Variants in CHODL observed in about 807,000 individuals in gnomAD.
CHODL encodes chondrolectin.
Under a neutral mutation model 34.5 loss-of-function variants are expected in CHODL, and 29 were observed. The observed-to-expected ratio is 0.84, with a 90% confidence interval of 0.63 to 1.15. CHODL has a LOEUF of 1.15. Ranked by LOEUF, CHODL falls within the 50% of genes most tolerant of loss-of-function variation. The probability of loss-of-function intolerance (pLI) is 0.00; values close to 1 mark genes in which losing one functional copy is unlikely to be tolerated. For synonymous variants in CHODL, 125 were observed against 116.1 expected (o/e 1.08, Z -0.49); for missense variants, 332 against 332.5 (o/e 1.00, Z 0.01).
intron 2 of CHODL, among the ~76,000 whole-genome samples, chr21:18,135,957 A>T (rs1450614418): frequency 6.6e-6 from 1 of 151,864 alleles, no homozygotes; most frequent in African/African-American, 2.4e-5. Flanking sequence ...AAACACAAAA[A>T]TTACCTGGGC....
At chr21:17,940,463 C>T (rs1251447134) in intron 1 of CHODL, among the ~76,000 whole-genome samples, 2 of 152,032 alleles carry the variant, frequency 1.3e-5, no homozygotes, top group Non-Finnish European at 2.9e-5. Flanking sequence ...TTCAATTTAC[C>T]ATGAAGTCTG....
chr21:18,249,757 G>A (rs1388076080), intron 1 of CHODL, among the ~76,000 whole-genome samples: 4 of 152,148 alleles, frequency 2.6e-5, no homozygotes, highest in African/African-American at 4.8e-5. Context: ...TGTGAGCTGT[G>A]TGAACTGCCC....
intron 2 of CHODL, among the ~76,000 whole-genome samples, chr21:18,035,846 A>C (rs73891124): frequency 0.039 from 5,857 of 151,932 alleles, 291 homozygotes; most frequent in East Asian, 0.16. Flanking sequence ...TATTTTCTTG[A>C]ATATATGAAT....
chr21:18,251,466 AT>A (rs2074238718), intron 1 of CHODL, among the ~76,000 whole-genome samples: 1 of 92,406 alleles, frequency 1.1e-5, no homozygotes, highest in African/African-American at 5.7e-5. Flanking sequence ...TATTTTATTT[AT>A]TTTAATTATT....
intron 2 of CHODL, among the ~76,000 whole-genome samples, chr21:18,234,691 A>G (rs527315689): frequency 6.6e-6 from 1 of 152,204 alleles, no homozygotes; most frequent in South Asian, 2.1e-4. Flanking sequence ...CACACATGTC[A>G]CTGGAACATA....
At chr21:18,175,617 G>T (rs1241373434) in intron 2 of CHODL, among the ~76,000 whole-genome samples, 3 of 151,744 alleles carry the variant, frequency 2.0e-5, no homozygotes, top group Non-Finnish European at 2.9e-5. Context: ...GAAAGATATT[G>T]TTCCTTCCCT....
At chr21:18,141,723 G>GAA (rs11308901) in intron 2 of CHODL, among the ~76,000 whole-genome samples, 2 of 124,580 alleles carry the variant, frequency 1.6e-5, no homozygotes, top group Non-Finnish European at 3.5e-5. Context: ...GAAAGAACAG[G>GAA]AAAAAAAAAA....
intron 2 of CHODL, among the ~76,000 whole-genome samples, chr21:18,089,315 ATTAT>A (rs2065044194): frequency 6.6e-6 from 1 of 152,030 alleles, no homozygotes; most frequent in Non-Finnish European, 1.5e-5. Flanking sequence ...ATATATAGAT[ATTAT>A]TTATTAATTT....
chr21:18,039,263 A>G (rs913895929), intron 2 of CHODL, among the ~76,000 whole-genome samples: 4 of 151,742 alleles, frequency 2.6e-5, no homozygotes, highest in African/African-American at 9.7e-5. Context: ...TTGCTATTCT[A>G]ATATTTTAAG....
chr21:18,041,554 C>G (rs1217281262), intron 2 of CHODL, among the ~76,000 whole-genome samples: 1 of 151,592 alleles, frequency 6.6e-6, no homozygotes, highest in South Asian at 2.1e-4. Flanking sequence ...TTAGGATTCA[C>G]GTCATGCAGA....
chr21:18,086,629 T>C (rs2065010837), intron 2 of CHODL, among the ~76,000 whole-genome samples: 1 of 152,206 alleles, frequency 6.6e-6, no homozygotes, highest in African/African-American at 2.4e-5. Flanking sequence ...GTGGTATCTG[T>C]AATTTCTTCA....
rs181261206 is a variant in CHODL at position 18,068,328 on chromosome 21, C to T, written c.-45+40357C>T. On this transcript the variant is annotated intron_variant, in intron 2 of 6. Coordinates refer to the CHODL transcript ENST00000400127. Reference sequence around the variant, plus strand: ...TCTCCTGCCTCAGCCTACCAAGTAGCTGGGTTTACAGGCACCCGCCACTAC... The same window carrying T: ...TCTCCTGCCTCAGCCTACCAAGTAGTTGGGTTTACAGGCACCCGCCACTAC... Among the ~76,000 whole-genome samples, 439 of 151,646 alleles carry T rather than the reference C, an allele frequency of 2.9e-3. 8 individuals carry two copies. Among genetic ancestry groups the T allele is most frequent in the Admixed American group, 0.027 (411 of 15,230 alleles).
chr21:18,057,771 C>G (rs1169771772), intron 2 of CHODL, among the ~76,000 whole-genome samples: 2 of 151,776 alleles, frequency 1.3e-5, no homozygotes, highest in African/African-American at 4.8e-5. Context: ...CTTTTCCTTG[C>G]TTTCTTATCA....
chr21:17,929,129 T>C (rs943445570), intron 1 of CHODL, among the ~76,000 whole-genome samples: 1 of 152,186 alleles, frequency 6.6e-6, no homozygotes, highest in Non-Finnish European at 1.5e-5. Context: ...TGAAAATCCA[T>C]TATAGAAACA....
chr21:18,223,852 T>C (rs1194306981), intron 2 of CHODL, among the ~76,000 whole-genome samples: 2 of 152,026 alleles, frequency 1.3e-5, no homozygotes, highest in Admixed American at 6.6e-5. Context: ...TCTCCTCCAA[T>C]AGGAAAGGGT....
In CHODL at chr21:18,238,422, C is replaced by T. The variant is rs994919073; in HGVS notation, c.-44-18087C>T. Among the ~76,000 whole-genome samples, 6 of 152,084 alleles carry T rather than the reference C, an allele frequency of 3.9e-5. 1 individual carries two copies. The South Asian group carries it at 1.2e-3, about 32-fold the overall frequency. On this transcript the variant is annotated intron_variant, in intron 2 of 6. Transcript: ENST00000400127. ...GCAAAACAGGAAACCCCAGATAAAA[C>T]CATCAGATCTTGTGAGACTCATTCA...
chr21:18,127,706 T>C (rs2072592758), intron 2 of CHODL, among the ~76,000 whole-genome samples: 1 of 117,776 alleles, frequency 8.5e-6, no homozygotes, highest in African/African-American at 3.0e-5. Flanking sequence ...TTTTTTAGCT[T>C]AAAACAGCAG....
chr21:17,973,802 G>GAAA (rs369903501), intron 1 of CHODL, among the ~76,000 whole-genome samples: 7 of 125,044 alleles, frequency 5.6e-5, no homozygotes, highest in African/African-American at 2.1e-4. Flanking sequence ...TATCTTTCAG[G>GAAA]AAAAAAAAAA....
At chr21:18,091,197 A>T (rs2065069252) in intron 2 of CHODL, among the ~76,000 whole-genome samples, 1 of 152,214 alleles carries the variant, frequency 6.6e-6, no homozygotes, top group South Asian at 2.1e-4. Flanking sequence ...CAGCAATTGG[A>T]ACTTCAGTTT....
Sources: allele counts gnomAD v4.1 joint callset (sites outside exome capture counted in the v4.1 genomes callset), GRCh38; gene constraint gnomAD v4.1.1; transcripts MANE v1.5; gene names NCBI Gene and HGNC (gene_info 2026-07-23, HGNC 2026-07-21).